The following HMGB2 variants were observed in gnomAD, a reference collection of about 807,000 sequenced individuals.
The protein encoded by HMGB2 is high mobility group protein B2.
HMGB2 carries 2 observed loss-of-function variants against 23.0 expected under a neutral mutation model. That is an observed-to-expected ratio of 0.09 (90% CI 0.04 to 0.27). HMGB2 has a LOEUF of 0.27. Among genes scored for constraint, HMGB2 ranks in the 10% least tolerant of loss-of-function variants. HMGB2 has a pLI of 1.00. For missense variants in HMGB2, 178 were observed against 256.5 expected, an observed-to-expected ratio of 0.69 and a Z score of 2.09; for synonymous variants, 99 against 87.5, an observed-to-expected ratio of 1.13 and a Z score of -0.73.
In HMGB2 at chr4:173,333,463, C is replaced by A. The variant is rs114947686; in HGVS notation, c.150+37G>T. 8.1e-6 allele frequency: 13 copies of A among 1,596,362 alleles called. No homozygotes were observed. The highest frequency in any genetic ancestry group is 1.7e-5 in the Admixed American group (1 of 58,862). ...AAGGCCCTCCTAGCCGAAAACCACA[C>A]CTGCACCCCCTGAGCTCCGTCCCTC... On this transcript the variant is annotated intron_variant, in intron 2 of 4. Transcript: ENST00000296503. This position sits in a 1 kb window ranked among gnomAD's most constrained non-coding sequence, Gnocchi z 4.6.
intron 4 of HMGB2, chr4:173,332,521 T>C (rs570953184): frequency 4.2e-6 from 2 of 474,916 alleles, no homozygotes; most frequent in East Asian, 6.8e-5. Flanking sequence ...TTTATATATA[T>C]CTACATAAAA....
At position 173,333,567 on chromosome 4, in the gene HMGB2, T is replaced by C. The variant is rs377532514; in HGVS notation, c.83A>G (p.Lys28Arg). ...FFVQTCREEHKKKHPDSSVNF... is the reference protein window; with the variant it reads ...FFVQTCREEHRKKHPDSSVNF... Reference sequence around the variant, plus strand: ...GACGGAAGAGTCCGGGTGTTTCTTCTTGTGCTCTTCCCGGCAGGTCTGCAC... The same window carrying C: ...GACGGAAGAGTCCGGGTGTTTCTTCCTGTGCTCTTCCCGGCAGGTCTGCAC... The change falls in exon 2 of 5, where the codon AAG (lysine) becomes AGG (arginine). Residue 28 changes from lysine to arginine, a missense_variant. Around this residue, in one of 3 missense-constraint regions of HMGB2, gnomAD observed 90 missense variants for 114.4 expected, o/e 0.79. Transcript: ENST00000296503. The surrounding 1 kb of genome is among the most constrained non-coding windows in gnomAD (Gnocchi z 4.6). The C allele has an allele frequency of 1.2e-6, 2 of 1,614,178 alleles. No individual in the cohort carries two copies. Among genetic ancestry groups the C allele is most frequent in the Admixed American group, 1.7e-5 (1 of 60,034 alleles).
At position 173,332,673 on chromosome 4, in the gene HMGB2, C is replaced by T. The variant is rs1738136153; in HGVS notation, c.471+148G>A. On this transcript the variant is annotated intron_variant, in intron 4 of 4. Transcript: ENST00000296503. ...TCAGTCAAAAGGAAGGTTTCAATTA[C>T]CTTGTGTTGAAGTGTACAATTTTCA... is the stretch of plus-strand genomic sequence containing the variant. 4.2e-6 allele frequency: 3 copies of T among 708,178 alleles called. No individual in the cohort carries two copies. The Admixed American group carries it at 7.4e-5, about 17-fold the overall frequency. The allele number at this position is 708,178 out of a possible 1,614,324, so 43.9% of individuals were successfully genotyped here. A position where few individuals can be genotyped will look rare whatever the true frequency, so the allele number is the denominator to read the frequency against.
In HMGB2 at chr4:173,332,801, TAA is replaced by T. The variant is rs779920500; in HGVS notation, c.471+18_471+19del. On this transcript the variant is annotated intron_variant, in intron 4 of 4. Coordinates refer to ENST00000296503, the MANE Select transcript of HMGB2 (RefSeq NM_002129.4). ...CTATACCTAGTCTTATCCACGGCTT[TAA>T]AAAAGATGACACTGTACCTTTTCAT... is the stretch of plus-strand genomic sequence containing the variant. 15 of 1,601,112 alleles carry T rather than the reference TAA, an allele frequency of 9.4e-6. No homozygotes were observed. In the South Asian group the frequency reaches 1.7e-4, roughly 18 times the overall value.
Position 173,333,651 on chromosome 4 carries a change from T to A in HMGB2, c.-2A>T, listed in dbSNP as rs775586349. ...CTTGTTGGGGTCTCCTTTACCCATGTTGACAGATCCGCGTCCACCTGACGG... is the reference window on the plus strand; with the variant it reads ...CTTGTTGGGGTCTCCTTTACCCATGATGACAGATCCGCGTCCACCTGACGG... On this transcript the variant is annotated 5_prime_UTR_variant, in exon 2 of 5. Transcript: ENST00000296503. The surrounding 1 kb of genome is among the most constrained non-coding windows in gnomAD (Gnocchi z 4.6). The A allele has an allele frequency of 1.1e-4, 180 of 1,606,310 alleles. No homozygotes were observed. Among genetic ancestry groups the A allele is most frequent in the South Asian group, 5.5e-5 (5 of 90,584 alleles).
At position 173,332,889 on chromosome 4, in the gene HMGB2, C is replaced by T. The variant is rs770020891; in HGVS notation, c.403G>A (p.Glu135Lys). The part of the protein sequence containing the change: ...TAKKLGEMWS[E>K]QSAKDKQPYE... The stretch of plus-strand genomic sequence containing the variant: ...GGTTGTTTATCTTTGGCTGACTGCT[C>T]AGACCACATTTCACCCAATTTCTTT... Residue 135 changes from glutamate (E) to lysine (K), a missense_variant, in exon 4 of 5, where the codon GAG becomes AAG. Around this residue, in one of 3 missense-constraint regions of HMGB2, gnomAD observed 43 missense variants for 103.3 expected, o/e 0.42. Coordinates refer to ENST00000296503, the MANE Select transcript of HMGB2 (RefSeq NM_002129.4). 10 of 1,614,186 alleles carry T rather than the reference C, an allele frequency of 6.2e-6. No homozygotes were observed. The highest frequency in any genetic ancestry group is 3.3e-5 in the South Asian group (3 of 91,084).
At chr4:173,332,311 A>G (rs1738122692) in intron 4 of HMGB2, 73 bp from the exon 5 acceptor site, 2 of 1,146,274 alleles carry the variant, frequency 1.7e-6, no homozygotes, top group Non-Finnish European at 2.5e-6. Flanking sequence ...GTTGTAAACA[A>G]TCTAAGATGA....
rs1738194631 is a variant in HMGB2, at chr4:173,334,247, CGAGGGTATTG to C, written c.-21+15_-21+24del. 1 of 152,218 alleles carries C rather than the reference CGAGGGTATTG, an allele frequency of 6.6e-6. No individual in the cohort carries two copies. Among genetic ancestry groups the C allele is most frequent in the Admixed American group, 6.5e-5 (1 of 15,276 alleles). 9.4% of individuals were successfully genotyped at this position (152,218 alleles called of 1,614,324 possible). ...ATGGGGAAAGGCAGGTCCACGAACC[CGAGGGTATTG>C]GAGGGTATTCTTGCCTGGTGCGAGC... On this transcript the variant is annotated intron_variant, in intron 1 of 4. Coordinates refer to ENST00000296503, the MANE Select transcript of HMGB2 (RefSeq NM_002129.4).
At position 173,331,742 on chromosome 4, in the gene HMGB2, G is replaced by A. The variant is rs568697248; in HGVS notation, c.*338C>T. 33 of 183,082 alleles carry A rather than the reference G, an allele frequency of 1.8e-4. No homozygotes were observed. Among genetic ancestry groups the A allele is most frequent in the South Asian group, 1.1e-3 (6 of 5,530 alleles). 11.3% of individuals were successfully genotyped at this position (183,082 alleles called of 1,614,324 possible). A position where few individuals can be genotyped will look rare whatever the true frequency, so the allele number is the denominator to read the frequency against. On this transcript the variant is annotated 3_prime_UTR_variant, in exon 5 of 5. Coordinates refer to ENST00000296503, the MANE Select transcript of HMGB2 (RefSeq NM_002129.4). ...ATTACAAAATTTTTTTTAAAAAAAC[G>A]AAATGCAACATCCTAAAAAACCCAA...
In HMGB2 at chr4:173,331,830, A is replaced by G. The variant is rs1160508916; in HGVS notation, c.*250T>C. On this transcript the variant is annotated 3_prime_UTR_variant, in exon 5 of 5. Coordinates refer to ENST00000296503, the MANE Select transcript of HMGB2 (RefSeq NM_002129.4). ...GCTACCATACACAAGAAATTAAAAA[A>G]ACCATTAAATATTTAGGAACATTCA... is the stretch of plus-strand genomic sequence containing the variant. 1 of 409,912 alleles carries G rather than the reference A, an allele frequency of 2.4e-6. No individual in the cohort carries two copies. 25.4% of individuals were successfully genotyped at this position (409,912 alleles called of 1,614,324 possible).
In HMGB2 at chr4:173,331,733, T is replaced by C. The variant is rs1022458660; in HGVS notation, c.*347A>G. The C allele has an allele frequency of 5.7e-6, 1 of 176,518 alleles. No individual in the cohort carries two copies. Among genetic ancestry groups the C allele is most frequent in the Non-Finnish European group, 1.2e-5 (1 of 84,284 alleles). The allele number at this position is 176,518 out of a possible 1,614,324, so 10.9% of individuals were successfully genotyped here. On this transcript the variant is annotated 3_prime_UTR_variant, in exon 5 of 5. Transcript: ENST00000296503. ...CATAATTTTATTACAAAATTTTTTTTAAAAAAACGAAATGCAACATCCTAA... is the reference window on the plus strand; with the variant it reads ...CATAATTTTATTACAAAATTTTTTTCAAAAAAACGAAATGCAACATCCTAA...
In HMGB2 at chr4:173,331,920, T is replaced by A. The variant is rs1441400425; in HGVS notation, c.*160A>T. The A allele has an allele frequency of 6.5e-6, 7 of 1,071,316 alleles. No homozygotes were observed. The highest frequency in any genetic ancestry group is 4.9e-5 in the African/African-American group (3 of 61,114). 66.4% of individuals were successfully genotyped at this position (1,071,316 alleles called of 1,614,324 possible). A position where few individuals can be genotyped will look rare whatever the true frequency, so the allele number is the denominator to read the frequency against. ...TCAAAAAGCTACAACCTGCATTTTT[T>A]AAAAGTATTTTCTCTACAGAGAATC... On this transcript the variant is annotated 3_prime_UTR_variant, in exon 5 of 5. Coordinates refer to ENST00000296503, the MANE Select transcript of HMGB2 (RefSeq NM_002129.4).
In HMGB2 at chr4:173,333,769, C is replaced by T; in HGVS notation, c.-20-100G>A. Reference sequence around the variant, plus strand: ...CGGGGCTCCGCTTCCCGCCCAAATCCGCTCCCGCCCTGCCCGCGCCCCCCT... The same window carrying T: ...CGGGGCTCCGCTTCCCGCCCAAATCTGCTCCCGCCCTGCCCGCGCCCCCCT... On this transcript the variant is annotated intron_variant, in intron 1 of 4. Coordinates refer to ENST00000296503, the MANE Select transcript of HMGB2 (RefSeq NM_002129.4). The surrounding 1 kb of genome is among the most constrained non-coding windows in gnomAD (Gnocchi z 4.6). 1.1e-6 allele frequency: 1 copy of T among 896,702 alleles called. No homozygotes were observed. Among genetic ancestry groups the T allele is most frequent in the Non-Finnish European group, 1.6e-6 (1 of 640,814 alleles). The allele number at this position is 896,702 out of a possible 1,614,324, so 55.5% of individuals were successfully genotyped here.
chr4:173,333,822 G>A lies in HMGB2; in HGVS notation c.-20-153C>T. The A allele has an allele frequency of 5.0e-6, 2 of 400,444 alleles. No individual in the cohort carries two copies. Among genetic ancestry groups the A allele is most frequent in the South Asian group, 1.0e-4 (1 of 9,618 alleles). 24.8% of individuals were successfully genotyped at this position (400,444 alleles called of 1,614,324 possible). A position where few individuals can be genotyped will look rare whatever the true frequency, so the allele number is the denominator to read the frequency against. Reference sequence around the variant, plus strand: ...TCCCGAGGGCGTCCTCCCAAGGGCGGCCGCCCGCGCCCCCGCCCGCGCCCC... The same window carrying A: ...TCCCGAGGGCGTCCTCCCAAGGGCGACCGCCCGCGCCCCCGCCCGCGCCCC... On this transcript the variant is annotated intron_variant, in intron 1 of 4. Transcript: ENST00000296503. The surrounding 1 kb of genome is among the most constrained non-coding windows in gnomAD (Gnocchi z 4.6).
rs746823348 is a variant in HMGB2 at position 173,333,069 on chromosome 4, G to T, written c.296C>A (p.Pro99Gln). 1.9e-6 allele frequency: 3 copies of T among 1,612,792 alleles called. No individual in the cohort carries two copies. Among genetic ancestry groups the T allele is most frequent in the Non-Finnish European group, 2.5e-6 (3 of 1,179,488 alleles). The change falls in exon 3 of 5, where the codon CCA (proline) becomes CAA (glutamine). Residue 99 changes from proline to glutamine, a missense_variant and splice_region_variant. Physicochemically the swap from Pro to Gln is moderately conservative, Grantham distance 76 (BLOSUM62 -1). Transcript: ENST00000296503. The surrounding 1 kb of genome is among the most constrained non-coding windows in gnomAD (Gnocchi z 4.6). ...KKDPNAPKRP[P>Q]SAFFLFCSEH... ...GCAATTTGGGTTATTTTAAACTTAC[G>T]GTGGCCTTTTAGGAGCATTGGGGTC...
chr4:173,332,109 C>T lies in HMGB2; in HGVS notation c.601G>A (p.Glu201Lys), dbSNP rs1297919338. The T allele has an allele frequency of 6.2e-7, 1 of 1,611,348 alleles. No individual in the cohort carries two copies. The highest frequency in any genetic ancestry group is 8.5e-7 in the Non-Finnish European group (1 of 1,177,524). ...TCTTCATCTTCATCCTCTTCCTCCTCATCTTCATCTTCTTCTTCCTCCTCC... is the reference window on the plus strand; with the variant it reads ...TCTTCATCTTCATCCTCTTCCTCCTTATCTTCATCTTCTTCTTCCTCCTCC... Reference protein sequence around the residue: ...EEEEEEEDEDEEEEDEDEE With the variant: ...EEEEEEEDEDKEEEDEDEE The change falls in exon 5 of 5, where the codon GAG becomes AAG. Residue 201 changes from glutamate (E) to lysine (K), a missense_variant. Physicochemically the swap from Glu to Lys is moderately conservative, Grantham distance 56. Around this residue, in one of 3 missense-constraint regions of HMGB2, gnomAD observed 45 missense variants for 38.8 expected, o/e 1.16. Transcript: ENST00000296503.
At chr4:173,332,286 G>C (rs766869490) in intron 4 of HMGB2, 48 bp from the exon 5 acceptor site, 5 of 1,369,400 alleles carry the variant, frequency 3.7e-6, no homozygotes, top group Non-Finnish European at 5.0e-6. Context: ...TTACTCAACT[G>C]TGAAAAACCA....
At position 173,332,426 on chromosome 4, in the gene HMGB2, T is replaced by C. The variant is rs1738125963; in HGVS notation, c.472-188A>G. The C allele has an allele frequency of 8.9e-6, 5 of 563,206 alleles. No individual in the cohort carries two copies. In the East Asian group the frequency reaches 8.9e-5, roughly 10 times the overall value. The allele number at this position is 563,206 out of a possible 1,614,324, so 34.9% of individuals were successfully genotyped here. A position where few individuals can be genotyped will look rare whatever the true frequency, so the allele number is the denominator to read the frequency against. ...AGTTAATGACGTAAAATGACAAGGG[T>C]TGCGATACAGCAGTATCAGTACTTT... On this transcript the variant is annotated intron_variant, in intron 4 of 4. Transcript: ENST00000296503.
In HMGB2 at chr4:173,332,853, T is replaced by G; in HGVS notation, c.439A>C (p.Lys147Gln). Residue 147 changes from lysine (K) to glutamine (Q), a missense_variant, in exon 4 of 5, where the codon AAA (lysine) becomes CAA (glutamine). By Grantham distance (53) the Lys-to-Gln change is moderately conservative. This residue lies in a region of HMGB2 where 43 missense variants were observed against 103.3 expected (regional missense o/e 0.42). Transcript: ENST00000296503. ...SAKDKQPYEQ[K>Q]AAKLKEKYEK... Reference sequence around the variant, plus strand: ...TATTTCTCCTTTAGCTTAGCTGCTTTCTGTTCATATGGTTGTTTATCTTTG... The same window carrying G: ...TATTTCTCCTTTAGCTTAGCTGCTTGCTGTTCATATGGTTGTTTATCTTTG... 5 of 1,614,238 alleles carry G rather than the reference T, an allele frequency of 3.1e-6. No individual in the cohort carries two copies. The highest frequency in any genetic ancestry group is 4.2e-6 in the Non-Finnish European group (5 of 1,180,032).
Sources: gnomAD v4.1 joint callset for allele counts on GRCh38, gnomAD v4.1.1 for gene constraint, gnomAD v4.1.1 regional missense constraint, Gnocchi (gnomAD v3.1) non-coding constraint, MANE v1.5 for transcripts, NCBI Gene and HGNC (gene_info 2026-07-23, HGNC 2026-07-21) for gene names.